AGER: variants seen among roughly 807,000 people sequenced by gnomAD.
AGER encodes the protein advanced glycation end product-specific receptor.
In AGER, 46 loss-of-function variants were observed where a neutral mutation model predicts 48.8. The observed-to-expected ratio is 0.94, with a 90% CI of 0.74 to 1.20. The LOEUF is 1.20. Ranked by LOEUF, AGER falls within the 50% of genes most tolerant of loss-of-function variation. AGER has a pLI of 0.00. For synonymous variants in AGER, 170 were observed against 199.9 expected (o/e 0.85, Z 1.26); for missense variants, 489 against 515.0 (o/e 0.95, Z 0.49).
At chr6:32,183,435 C>G (rs369897614) in intron 3 of AGER, 47 bp from the exon 4 acceptor site, 4 of 1,609,850 alleles carry the variant, frequency 2.5e-6, no homozygotes, top group Non-Finnish European at 3.4e-6. Context: ...TGAAGGTTCT[C>G]AAACTCTGTG....
At position 32,180,978 on chromosome 6, in the gene AGER, T is replaced by A; in HGVS notation, c.*165A>T. 2 of 717,198 alleles carry A rather than the reference T, an allele frequency of 2.8e-6. No homozygotes were observed. Among genetic ancestry groups the A allele is most frequent in the Non-Finnish European group, 4.8e-6 (2 of 416,168 alleles). The allele number at this position is 717,198 out of a possible 1,614,324, so 44.4% of individuals were successfully genotyped here. On this transcript the variant is annotated 3_prime_UTR_variant, in exon 11 of 11. Transcript: ENST00000375076. ...CACAGACACACAAGAGCAAGATGTG[T>A]CAGGTGTTTAATCATCATTGTGGGG... is the stretch of plus-strand genomic sequence containing the variant.
Position 32,183,166 on chromosome 6 carries a change from T to C in AGER, c.456A>G (p.Ala152=), listed in dbSNP as rs748478798. The C allele has an allele frequency of 1.9e-6, 3 of 1,613,088 alleles. No homozygotes were observed. Residue 152 remains alanine (A), a synonymous_variant, in exon 5 of 11, where the codon GCA becomes GCG. Coordinates refer to ENST00000375076, the MANE Select transcript of AGER (RefSeq NM_001136.5). ...CATCCAAGTGCCAGCTAAGAGTCCC[T>C]GCAGGGTAGCTTCCCTCTGACACAC... ...GTCVSEGSYP[A]GTLSWHLDGK...
In AGER at chr6:32,182,879, C is replaced by T. The variant is rs766191033; in HGVS notation, c.653G>A (p.Arg218Gln). ...CTGGATGGGGGCTGTGCGCAAGGCCCGGTGTCGGGGAAGGCCTGGGCTGAA... is the reference window on the plus strand; with the variant it reads ...CTGGATGGGGGCTGTGCGCAAGGCCTGGTGTCGGGGAAGGCCTGGGCTGAA... ...CSFSPGLPRH[R>Q]ALRTAPIQPR... The change falls in exon 6 of 11, where the codon CGG (arginine) becomes CAG (glutamine). Residue 218 changes from arginine (R) to glutamine (Q), a missense_variant. By Grantham distance (43) the Arg-to-Gln change is conservative. Coordinates refer to ENST00000375076, the MANE Select transcript of AGER (RefSeq NM_001136.5). This position sits in a 1 kb window ranked among gnomAD's most constrained non-coding sequence, Gnocchi z 5.1. 4.7e-5 allele frequency: 76 copies of T among 1,611,434 alleles called. 1 individual carries two copies. Among genetic ancestry groups the T allele is most frequent in the South Asian group, 9.9e-5 (9 of 91,002 alleles).
In AGER at chr6:32,182,513, C is replaced by A. The variant is rs1449905272; in HGVS notation, c.822+55G>T. On this transcript the variant is annotated intron_variant, in intron 7 of 10. Coordinates refer to ENST00000375076, the MANE Select transcript of AGER (RefSeq NM_001136.5). The surrounding 1 kb of genome is among the most constrained non-coding windows in gnomAD (Gnocchi z 5.1). ...TTCCCTCGTTAGCCCTCTGCCCTCCCTGTTGCTAGTTATGGTTCACCCTAC... is the reference window on the plus strand; with the variant it reads ...TTCCCTCGTTAGCCCTCTGCCCTCCATGTTGCTAGTTATGGTTCACCCTAC... 1 of 1,601,656 alleles carries A rather than the reference C, an allele frequency of 6.2e-7. No individual in the cohort carries two copies. Among genetic ancestry groups the A allele is most frequent in the Non-Finnish European group, 8.5e-7 (1 of 1,172,038 alleles).
rs1786468827 is a variant in AGER at position 32,182,795 on chromosome 6, C to T, written c.691+46G>A. On this transcript the variant is annotated intron_variant, in intron 6 of 10. Transcript: ENST00000375076. This position sits in a 1 kb window ranked among gnomAD's most constrained non-coding sequence, Gnocchi z 5.1. ...CCTCTTTCCCTAAGGGTCAGACTTC[C>T]AGAACGTGCTCACGTGAGCTTGGGG... The T allele has an allele frequency of 6.2e-7, 1 of 1,612,744 alleles. No individual in the cohort carries two copies. The highest frequency in any genetic ancestry group is 1.7e-5 in the Admixed American group (1 of 60,024).
Position 32,182,041 on chromosome 6 carries a change from C to CT in AGER, c.964+205dup, listed in dbSNP as rs770694225. On this transcript the variant is annotated intron_variant, in intron 8 of 10. Transcript: ENST00000375076. The surrounding 1 kb of genome is among the most constrained non-coding windows in gnomAD (Gnocchi z 5.1). ...AGCCACCGCGCCCAGCCGTCTGTTC[C>CT]TTTTTTTAGCTCAGAGGGAAGAAGG... 2.9e-4 allele frequency: 237 copies of CT among 824,230 alleles called. No homozygotes were observed. In the African/African-American group the frequency reaches 3.3e-3, roughly 11 times the overall value. 51.1% of individuals were successfully genotyped at this position (824,230 alleles called of 1,614,324 possible). A position where few individuals can be genotyped will look rare whatever the true frequency, so the allele number is the denominator to read the frequency against.
chr6:32,183,820 G>A lies in AGER; in HGVS notation c.159+61C>T. 4.3e-6 allele frequency: 7 copies of A among 1,611,644 alleles called. No individual in the cohort carries two copies. In the South Asian group the frequency reaches 7.7e-5, roughly 18 times the overall value. The stretch of plus-strand genomic sequence containing the variant: ...AAAGGACTGTGAGGCAGAGTGACGG[G>A]GATCCAAATCATTGCTGGTCTCCCT... On this transcript the variant is annotated intron_variant, in intron 2 of 10. Coordinates refer to ENST00000375076, the MANE Select transcript of AGER (RefSeq NM_001136.5).
rs1786536288 is a variant in AGER, at chr6:32,183,010, C to T, written c.522G>A (p.Lys174=). The part of the protein sequence containing the change: ...LVPNEKGVSV[K]EQTRRHPETG... ...TCTCAGGGTGTCTCCTGGTCTGTTC[C>T]TTCACAGATACTCCTATGATGGGAG... is the stretch of plus-strand genomic sequence containing the variant. The change falls in exon 6 of 11, where the codon AAG becomes AAA. Residue 174 remains lysine, a synonymous_variant. Transcript: ENST00000375076. The T allele has an allele frequency of 6.2e-7, 1 of 1,612,938 alleles. No individual in the cohort carries two copies. The highest frequency in any genetic ancestry group is 8.5e-7 in the Non-Finnish European group (1 of 1,180,042).
rs140930365 is a variant in AGER at position 32,182,579 on chromosome 6, A to T, written c.811T>A (p.Trp271Arg). 1,704 of 1,612,934 alleles carry T rather than the reference A, an allele frequency of 1.1e-3. 12 individuals carry two copies. Among genetic ancestry groups the T allele is most frequent in the Admixed American group, 4.0e-3 (238 of 60,016 alleles). The change falls in exon 7 of 11, where the codon TGG becomes AGG. Residue 271 changes from tryptophan to arginine, a missense_variant. Coordinates refer to ENST00000375076, the MANE Select transcript of AGER (RefSeq NM_001136.5). The surrounding 1 kb of genome is among the most constrained non-coding windows in gnomAD (Gnocchi z 5.1). ...VPAQPSPQIH[W>R]MKDGVPLPLP... Reference sequence around the variant, plus strand: ...TCCAGGTCACTCACATCCTTCATCCAGTGGATTTGAGGAGAGGGCTGGGCA... The same window carrying T: ...TCCAGGTCACTCACATCCTTCATCCTGTGGATTTGAGGAGAGGGCTGGGCA...
Position 32,182,139 on chromosome 6 carries a change from G to A in AGER, c.964+108C>T, listed in dbSNP as rs1274060169. ...GCTTGGGTGTGGGTGCATGGAGGGA[G>A]AGGTGGGGTGGCTGTTAGGGATAAG... is the stretch of plus-strand genomic sequence containing the variant. On this transcript the variant is annotated intron_variant, in intron 8 of 10. Transcript: ENST00000375076. This position sits in a 1 kb window ranked among gnomAD's most constrained non-coding sequence, Gnocchi z 5.1. 1.2e-5 allele frequency: 18 copies of A among 1,489,710 alleles called. No homozygotes were observed. The highest frequency in any genetic ancestry group is 1.7e-5 in the Non-Finnish European group (18 of 1,076,192). 92.3% of individuals were successfully genotyped at this position (1,489,710 alleles called of 1,614,324 possible). A position where few individuals can be genotyped will look rare whatever the true frequency, so the allele number is the denominator to read the frequency against.
At position 32,181,783 on chromosome 6, in the gene AGER, T is replaced by C; in HGVS notation, c.965-151A>G. ...CCCAGGCTGGCATGCAATGGTGCGA[T>C]CTTGGCTCATCGCAATCTATGCCTC... is the stretch of plus-strand genomic sequence containing the variant. On this transcript the variant is annotated intron_variant, in intron 8 of 10. Transcript: ENST00000375076. This position sits in a 1 kb window ranked among gnomAD's most constrained non-coding sequence, Gnocchi z 4.1. 1.2e-6 allele frequency: 1 copy of C among 828,164 alleles called. No homozygotes were observed. Among genetic ancestry groups the C allele is most frequent in the Non-Finnish European group, 1.9e-6 (1 of 535,242 alleles). The allele number at this position is 828,164 out of a possible 1,614,324, so 51.3% of individuals were successfully genotyped here. A position where few individuals can be genotyped will look rare whatever the true frequency, so the allele number is the denominator to read the frequency against.
At position 32,181,562 on chromosome 6, in the gene AGER, T is replaced by C. The variant is rs1786219854; in HGVS notation, c.991+44A>G. The C allele has an allele frequency of 6.2e-7, 1 of 1,613,106 alleles. No individual in the cohort carries two copies. The highest frequency in any genetic ancestry group is 1.1e-5 in the South Asian group (1 of 91,078). On this transcript the variant is annotated intron_variant, in intron 9 of 10. Transcript: ENST00000375076. The surrounding 1 kb of genome is among the most constrained non-coding windows in gnomAD (Gnocchi z 4.1). ...TTGACCATCCCCCCAGTCACATGTG[T>C]TGGGGGCTATCTTCTGCTTCCCTGA... is the stretch of plus-strand genomic sequence containing the variant.
In AGER at chr6:32,183,018, A is replaced by G. The variant is rs750431822; in HGVS notation, c.514T>C (p.Ser172Pro). The change falls in exon 6 of 11, where the codon TCT (serine) becomes CCT (proline). Residue 172 changes from serine (S) to proline (P), a missense_variant. Coordinates refer to ENST00000375076, the MANE Select transcript of AGER (RefSeq NM_001136.5). ...TGTCTCCTGGTCTGTTCCTTCACAG[A>G]TACTCCTATGATGGGAGGATAAGAC... The part of the protein sequence containing the change: ...KPLVPNEKGV[S>P]VKEQTRRHPE... The G allele has an allele frequency of 1.2e-5, 20 of 1,612,934 alleles. No homozygotes were observed. The highest frequency in any genetic ancestry group is 1.6e-5 in the Non-Finnish European group (19 of 1,180,026).
chr6:32,183,214 T>C lies in AGER; in HGVS notation c.421-13A>G, dbSNP rs1010772992. The C allele has an allele frequency of 7.4e-6, 12 of 1,612,540 alleles. No homozygotes were observed. In the Admixed American group the frequency reaches 1.2e-4, roughly 16 times the overall value. On this transcript the variant is annotated splice_polypyrimidine_tract_variant and intron_variant, in intron 4 of 10. Coordinates refer to ENST00000375076, the MANE Select transcript of AGER (RefSeq NM_001136.5). ...CACATGTCCCCACCTGGGGAAAGAG[T>C]GGTGACCTCAGAATCCTTTGAAAAT...
chr6:32,181,064 G>GA lies in AGER; in HGVS notation c.*78dup, dbSNP rs1786088553. Reference sequence around the variant, plus strand: ...GTTATACAGGAGAGAGATTATACAGGAGAGAGTTGGTCTGAGGCCAGAACA... The same window carrying GA: ...GTTATACAGGAGAGAGATTATACAGGAAGAGAGTTGGTCTGAGGCCAGAACA... On this transcript the variant is annotated 3_prime_UTR_variant, in exon 11 of 11. Transcript: ENST00000375076. This position sits in a 1 kb window ranked among gnomAD's most constrained non-coding sequence, Gnocchi z 4.1. 7.0e-7 allele frequency: 1 copy of GA among 1,428,940 alleles called. No individual in the cohort carries two copies. 88.5% of individuals were successfully genotyped at this position (1,428,940 alleles called of 1,614,324 possible). A position where few individuals can be genotyped will look rare whatever the true frequency, so the allele number is the denominator to read the frequency against.
In AGER at chr6:32,183,880, C is replaced by T. The variant is rs748136047; in HGVS notation, c.159+1G>A. The T allele has an allele frequency of 1.9e-6, 3 of 1,612,946 alleles. No homozygotes were observed. The highest frequency in any genetic ancestry group is 4.5e-5 in the East Asian group (2 of 44,892). On this transcript the variant is annotated splice_donor_variant, in intron 2 of 10. Coordinates refer to ENST00000375076, the MANE Select transcript of AGER (RefSeq NM_001136.5). LOFTEE classifies it high-confidence loss of function. ...GAGGCTGCAACAGGAGCCCCGCTTA[C>T]CAGTTTCCATTCCAGCCGCTGGGGT...
At position 32,182,935 on chromosome 6, in the gene AGER, TC is replaced by T; in HGVS notation, c.596del (p.Gly199GlufsTer51). On this transcript the variant is annotated frameshift_variant, in exon 6 of 11. Coordinates refer to ENST00000375076, the MANE Select transcript of AGER (RefSeq NM_001136.5). LOFTEE classifies it high-confidence loss of function. This position sits in a 1 kb window ranked among gnomAD's most constrained non-coding sequence, Gnocchi z 5.1. The stretch of plus-strand genomic sequence containing the variant: ...AGGAGAAGGTGGGACGGGGATCTCC[TC>T]CCCGGGCTGGGGTCACCATTAGCTC... ...QSELMVTPAR[G>X]GDPRPTFSCS... The T allele has an allele frequency of 6.2e-7, 1 of 1,612,244 alleles. No individual in the cohort carries two copies. Among genetic ancestry groups the T allele is most frequent in the Non-Finnish European group, 8.5e-7 (1 of 1,179,634 alleles).
chr6:32,182,101 TG>T lies in AGER; in HGVS notation c.964+145del. 2 of 1,138,060 alleles carry T rather than the reference TG, an allele frequency of 1.8e-6. No individual in the cohort carries two copies. The highest frequency in any genetic ancestry group is 1.5e-5 in the African/African-American group (1 of 65,198). 70.5% of individuals were successfully genotyped at this position (1,138,060 alleles called of 1,614,324 possible). A position where few individuals can be genotyped will look rare whatever the true frequency, so the allele number is the denominator to read the frequency against. ...GGCTGCTCTCTTGGCAGAATTTGGGTGGGGCAGGGGAGGCTTGGGTGTGGGT... is the reference window on the plus strand; with the variant it reads ...GGCTGCTCTCTTGGCAGAATTTGGGTGGGCAGGGGAGGCTTGGGTGTGGGT... On this transcript the variant is annotated intron_variant, in intron 8 of 10. Coordinates refer to ENST00000375076, the MANE Select transcript of AGER (RefSeq NM_001136.5). The surrounding 1 kb of genome is among the most constrained non-coding windows in gnomAD (Gnocchi z 5.1).
Position 32,181,460 on chromosome 6 carries a change from C to G in AGER, c.1009G>C (p.Gly337Arg). The change falls in exon 10 of 11, where the codon GGG (glycine) becomes CGG (arginine). Residue 337 changes from glycine to arginine, a missense_variant. Physicochemically the swap from Gly to Arg is moderately radical, Grantham distance 125 (BLOSUM62 -2). Transcript: ENST00000375076. The surrounding 1 kb of genome is among the most constrained non-coding windows in gnomAD (Gnocchi z 4.1). ...AGGGCCAGGGCTAGAGTTCCCAGCC[C>G]TGATCCTCCCACAGAGCCTGTACGG... ...GPTAGSVGGS[G>R]LGTLALALGI... The G allele has an allele frequency of 6.2e-7, 1 of 1,613,366 alleles. No individual in the cohort carries two copies. Among genetic ancestry groups the G allele is most frequent in the Non-Finnish European group, 8.5e-7 (1 of 1,180,032 alleles).
Sources: allele counts gnomAD v4.1 joint callset, GRCh38; gene constraint gnomAD v4.1.1; non-coding constraint Gnocchi (gnomAD v3.1); transcripts MANE v1.5; gene names NCBI Gene and HGNC (gene_info 2026-07-23, HGNC 2026-07-21).